The following PDAP1 variants were observed in gnomAD, a reference collection of about 807,000 sequenced individuals.
The protein encoded by PDAP1 is 28 kDa heat- and acid-stable phosphoprotein.
In PDAP1, 13 loss-of-function variants were observed where a neutral mutation model predicts 28.0. That is an observed-to-expected ratio of 0.46 (90% CI 0.30 to 0.74). The LOEUF is 0.74. Among genes scored for constraint, PDAP1 ranks in the 30% least tolerant of loss-of-function variants. The pLI is 0.07. For synonymous variants in PDAP1, 77 were observed against 85.1 expected (o/e 0.91, Z 0.52); for missense variants, 150 against 230.0 (o/e 0.65, Z 2.25).
intron 1 of PDAP1, chr7:99,406,454 T>C: frequency 1.9e-6 from 1 of 515,030 alleles, no homozygotes; most frequent in South Asian, 8.4e-5. Context: ...GGCAAAAACT[T>C]TGTGCTTAGA....
At chr7:99,397,754 C>T (rs1794794183) in intron 5 of PDAP1, 108 bp downstream of exon 5, 6 of 1,382,606 alleles carry the variant, frequency 4.3e-6, no homozygotes, top group Middle Eastern at 2.6e-4. Flanking sequence ...GCAGCAGTCA[C>T]TCCTCACCTC....
intron 3 of PDAP1, among the ~76,000 whole-genome samples, chr7:99,401,083 C>G (rs1362485049): frequency 6.6e-6 from 1 of 152,172 alleles, no homozygotes; most frequent in East Asian, 1.9e-4. Flanking sequence ...AGGGAGACAG[C>G]TTCCACTCCA....
Position 99,396,632 on chromosome 7 carries a change from G to A in PDAP1, c.*50C>T. ...ACAGGGTGGGCGAGACACAGCAGAG[G>A]TCCTGGCAGCGCGGCCCAGGTCCCC... On this transcript the variant is annotated 3_prime_UTR_variant, in exon 6 of 6. Coordinates refer to ENST00000350498, the MANE Select transcript of PDAP1 (RefSeq NM_014891.7). The A allele has an allele frequency of 6.7e-7, 1 of 1,501,812 alleles. No homozygotes were observed. Among genetic ancestry groups the A allele is most frequent in the Non-Finnish European group, 9.3e-7 (1 of 1,079,462 alleles). 93.0% of individuals were successfully genotyped at this position (1,501,812 alleles called of 1,614,324 possible). A position where few individuals can be genotyped will look rare whatever the true frequency, so the allele number is the denominator to read the frequency against.
rs1794759190 is a variant in PDAP1, at chr7:99,396,331, C to A, written c.*351G>T. On this transcript the variant is annotated 3_prime_UTR_variant, in exon 6 of 6. Coordinates refer to ENST00000350498, the MANE Select transcript of PDAP1 (RefSeq NM_014891.7). ...CAGCTGCCTCCTGGGACAACCACCC[C>A]CTTACATGCTATCTATCTACCAGAC... is the stretch of plus-strand genomic sequence containing the variant. 1 of 358,928 alleles carries A rather than the reference C, an allele frequency of 2.8e-6. No homozygotes were observed. The highest frequency in any genetic ancestry group is 2.2e-5 in the African/African-American group (1 of 46,382). The allele number at this position is 358,928 out of a possible 1,614,324, so 22.2% of individuals were successfully genotyped here.
intron 4 of PDAP1, 66 bp from the exon 5 acceptor site, chr7:99,398,079 T>C (rs1244500351): frequency 4.4e-6 from 7 of 1,584,972 alleles, no homozygotes; most frequent in Admixed American, 3.3e-5. Context: ...TGGACGGGAG[T>C]CAGAATAAAG....
intron 3 of PDAP1, among the ~76,000 whole-genome samples, chr7:99,401,553 G>A (rs956945135): frequency 3.3e-5 from 5 of 152,128 alleles, no homozygotes; most frequent in South Asian, 2.1e-4. Flanking sequence ...TCGAAATCTC[G>A]ACCTCAGGTG....
chr7:99,407,997 T>C (rs1795016180), intron 1 of PDAP1, among the ~76,000 whole-genome samples: 2 of 152,026 alleles, frequency 1.3e-5, no homozygotes, highest in South Asian at 2.1e-4. Context: ...GTTATTCCCA[T>C]TGGCAAATGA....
chr7:99,398,600 A>G (rs1290795215), intron 4 of PDAP1, among the ~76,000 whole-genome samples: 1 of 152,214 alleles, frequency 6.6e-6, no homozygotes, highest in African/African-American at 2.4e-5. Flanking sequence ...GCTACATGGG[A>G]GGCTGAGGCA....
chr7:99,403,097 T>C (rs544391727), intron 3 of PDAP1, among the ~76,000 whole-genome samples: 1 of 152,322 alleles, frequency 6.6e-6, no homozygotes, highest in East Asian at 1.9e-4. Context: ...TCAATTGCTC[T>C]GCACGCCAAT....
rs1392976490 is a variant in PDAP1, at chr7:99,395,523, C to A, written c.*1159G>T. ...AGATATTTTTTTCGTGTGCTGTAAA[C>A]TGAGGTTCTGTCTTGGAGTTTATGT... is the stretch of plus-strand genomic sequence containing the variant. On this transcript the variant is annotated 3_prime_UTR_variant, in exon 6 of 6. Transcript: ENST00000350498. 6.6e-6 allele frequency: 1 copy of A among 152,226 alleles called. No individual in the cohort carries two copies. The highest frequency in any genetic ancestry group is 2.4e-5 in the African/African-American group (1 of 41,434). The allele number at this position is 152,226 out of a possible 1,614,324, so 9.4% of individuals were successfully genotyped here. A position where few individuals can be genotyped will look rare whatever the true frequency, so the allele number is the denominator to read the frequency against.
At position 99,404,749 on chromosome 7, in the gene PDAP1, C is replaced by G. The variant is rs911740773; in HGVS notation, c.105+113G>C. The G allele has an allele frequency of 1.4e-5, 10 of 738,790 alleles. No homozygotes were observed. In the African/African-American group the frequency reaches 1.8e-4, roughly 13 times the overall value. The allele number at this position is 738,790 out of a possible 1,614,324, so 45.8% of individuals were successfully genotyped here. A position where few individuals can be genotyped will look rare whatever the true frequency, so the allele number is the denominator to read the frequency against. On this transcript the variant is annotated intron_variant, in intron 2 of 5. Coordinates refer to ENST00000350498, the MANE Select transcript of PDAP1 (RefSeq NM_014891.7). ...TGGGGCTCACTGCCCGCCCGACCCC[C>G]ACGTGCTGGCTTGTCCCTGCGAATG...
chr7:99,406,802 T>G (rs1791891391), intron 1 of PDAP1, among the ~76,000 whole-genome samples: 1 of 152,218 alleles, frequency 6.6e-6, no homozygotes, highest in South Asian at 2.1e-4. Context: ...TGGCCTCCTC[T>G]GATTCCTTAC....
chr7:99,398,104 C>G, intron 4 of PDAP1, 91 bp from the exon 5 acceptor site: 2 of 1,489,374 alleles, frequency 1.3e-6, no homozygotes, highest in Non-Finnish European at 1.8e-6. Context: ...AGGATTCGGC[C>G]TAGGGCCGAG....
Position 99,394,885 on chromosome 7 carries a change from T to A in PDAP1, c.*1797A>T. The stretch of plus-strand genomic sequence containing the variant: ...TCTTGCTAAGTTTTCCAGGCTGCAC[T>A]AGAACTCGTGGGAGCAATCCTTCTG... On this transcript the variant is annotated 3_prime_UTR_variant, in exon 6 of 6. Coordinates refer to ENST00000350498, the MANE Select transcript of PDAP1 (RefSeq NM_014891.7). The A allele has an allele frequency of 8.9e-7, 1 of 1,125,214 alleles. No homozygotes were observed. Among genetic ancestry groups the A allele is most frequent in the Non-Finnish European group, 1.1e-6 (1 of 895,746 alleles). The allele number at this position is 1,125,214 out of a possible 1,614,324, so 69.7% of individuals were successfully genotyped here. A position where few individuals can be genotyped will look rare whatever the true frequency, so the allele number is the denominator to read the frequency against.
Position 99,394,879 on chromosome 7 carries a change from C to A in PDAP1, c.*1803G>T. Reference sequence around the variant, plus strand: ...TTGGGGTCTTGCTAAGTTTTCCAGGCTGCACTAGAACTCGTGGGAGCAATC... The same window carrying A: ...TTGGGGTCTTGCTAAGTTTTCCAGGATGCACTAGAACTCGTGGGAGCAATC... On this transcript the variant is annotated 3_prime_UTR_variant, in exon 6 of 6. Transcript: ENST00000350498. 1 of 1,154,614 alleles carries A rather than the reference C, an allele frequency of 8.7e-7. No individual in the cohort carries two copies. Among genetic ancestry groups the A allele is most frequent in the Non-Finnish European group, 1.1e-6 (1 of 920,766 alleles). The allele number at this position is 1,154,614 out of a possible 1,614,324, so 71.5% of individuals were successfully genotyped here. A position where few individuals can be genotyped will look rare whatever the true frequency, so the allele number is the denominator to read the frequency against.
chr7:99,394,859 G>C lies in PDAP1; in HGVS notation c.*1823C>G, dbSNP rs893991799. 1.4e-5 allele frequency: 17 copies of C among 1,215,616 alleles called. No homozygotes were observed. The highest frequency in any genetic ancestry group is 1.7e-5 in the Non-Finnish European group (17 of 973,312). 75.3% of individuals were successfully genotyped at this position (1,215,616 alleles called of 1,614,324 possible). ...AGAGGTTTTTTGTTATTTCCTTGGG[G>C]TCTTGCTAAGTTTTCCAGGCTGCAC... On this transcript the variant is annotated 3_prime_UTR_variant, in exon 6 of 6. Coordinates refer to ENST00000350498, the MANE Select transcript of PDAP1 (RefSeq NM_014891.7).
In PDAP1 at chr7:99,396,490, A is replaced by ACCCCTCCCCCAGT. The variant is rs1794763126; in HGVS notation, c.*179_*191dup. 1 of 576,834 alleles carries ACCCCTCCCCCAGT rather than the reference A, an allele frequency of 1.7e-6. No homozygotes were observed. The highest frequency in any genetic ancestry group is 3.0e-5 in the East Asian group (1 of 33,598). 35.7% of individuals were successfully genotyped at this position (576,834 alleles called of 1,614,324 possible). On this transcript the variant is annotated 3_prime_UTR_variant, in exon 6 of 6. Coordinates refer to ENST00000350498, the MANE Select transcript of PDAP1 (RefSeq NM_014891.7). ...TCTTTCTGTCTCAAAGATAGCAGCT[A>ACCCCTCCCCCAGT]CCCCTCCCCCAGTCCCCCCCCCCAT...
chr7:99,394,687 T>C lies in PDAP1; in HGVS notation c.*1995A>G. The stretch of plus-strand genomic sequence containing the variant: ...GAATACGTGCCTTTTTCTTAAATGC[T>C]TTCATTTATTGAAAAAAAAAAAAAA... On this transcript the variant is annotated 3_prime_UTR_variant, in exon 6 of 6. Transcript: ENST00000350498. 1 of 1,309,714 alleles carries C rather than the reference T, an allele frequency of 7.6e-7. No individual in the cohort carries two copies. The highest frequency in any genetic ancestry group is 9.6e-7 in the Non-Finnish European group (1 of 1,041,228). 81.1% of individuals were successfully genotyped at this position (1,309,714 alleles called of 1,614,324 possible). A position where few individuals can be genotyped will look rare whatever the true frequency, so the allele number is the denominator to read the frequency against.
intron 5 of PDAP1, among the ~76,000 whole-genome samples, chr7:99,397,345 T>C (rs1484923503): frequency 6.6e-6 from 1 of 152,188 alleles, no homozygotes; most frequent in Non-Finnish European, 1.5e-5. Flanking sequence ...ATAGCCACTC[T>C]GGCCTAGAGG....
Sources: gnomAD v4.1 joint callset for allele counts (sites outside exome capture counted in the v4.1 genomes callset) on GRCh38, gnomAD v4.1.1 for gene constraint, MANE v1.5 for transcripts, NCBI Gene and HGNC (gene_info 2026-07-23, HGNC 2026-07-21) for gene names.